The following CRELD1 variants were observed in gnomAD, a reference collection of about 807,000 sequenced individuals.
CRELD1 encodes the protein CRELD disulfide isomerase 1.
A neutral mutation model predicts 58.2 loss-of-function variants in CRELD1; 42 were observed. The ratio of observed to expected loss-of-function variants is 0.72; its 90% CI spans 0.56 to 0.93. The LOEUF is 0.93. CRELD1 is among the 40% of genes least tolerant of loss of function. The probability of loss-of-function intolerance (pLI) is 0.00; values close to 1 mark genes in which losing one functional copy is unlikely to be tolerated. For missense variants in CRELD1, 500 were observed against 540.6 expected (o/e 0.92, Z 0.74); for synonymous variants, 222 against 202.0 (o/e 1.10, Z -0.84).
intron 7 of CRELD1, among the ~76,000 whole-genome samples, chr3:9,941,480 T>TAAAAA (rs2085364600): frequency 6.6e-6 from 1 of 152,132 alleles, no homozygotes; most frequent in Admixed American, 6.6e-5. Flanking sequence ...GAGGCGTTAC[T>TAAAAA]TTGGCCAAGT....
chr3:9,941,927 C>T (rs1438271650), intron 7 of CRELD1, among the ~76,000 whole-genome samples: 1 of 151,778 alleles, frequency 6.6e-6, no homozygotes, highest in Non-Finnish European at 1.5e-5. Context: ...AAAGTAAAGG[C>T]TAAGCTGCTG....
intron 4 of CRELD1, among the ~76,000 whole-genome samples, 160 bp downstream of exon 4, chr3:9,937,832 T>G (rs535731182): frequency 3.3e-5 from 5 of 152,132 alleles, no homozygotes; most frequent in African/African-American, 9.7e-5. Flanking sequence ...GGACTTGCGC[T>G]CCACTTTGAG....
In CRELD1 at chr3:9,943,170, T is replaced by C; in HGVS notation, c.911T>C (p.Leu304Pro). Reference sequence around the variant, plus strand: ...TATCAGCAGGTGGGCTCCAAGTGTCTCGGTGAGTCTCCTGCTGATGGGACA... The same window carrying C: ...TATCAGCAGGTGGGCTCCAAGTGTCCCGGTGAGTCTCCTGCTGATGGGACA... ...PGYQQVGSKC[L>P]DVDECETEVC... The change falls in exon 9 of 11, where the codon CTC becomes CCC. Residue 304 changes from leucine to proline, a missense_variant and splice_region_variant. By Grantham distance (98) the Leu-to-Pro change is moderately conservative. Transcript: ENST00000452070. 1 of 1,612,256 alleles carries C rather than the reference T, an allele frequency of 6.2e-7. No individual in the cohort carries two copies. Among genetic ancestry groups the C allele is most frequent in the Non-Finnish European group, 8.5e-7 (1 of 1,179,484 alleles).
At position 9,940,395 on chromosome 3, in the gene CRELD1, C is replaced by A. The variant is rs537744369; in HGVS notation, c.461-455C>A. On this transcript the variant is annotated intron_variant, in intron 5 of 10. Coordinates refer to ENST00000452070, the MANE Select transcript of CRELD1 (RefSeq NM_001077415.3). ...TGGGCACCATTGAGCACTGAGTGAACGAGACTCCGTCTGCAATCCCGGCAC... is the reference window on the plus strand; with the variant it reads ...TGGGCACCATTGAGCACTGAGTGAAAGAGACTCCGTCTGCAATCCCGGCAC... 2.4e-4 allele frequency among the ~76,000 whole-genome samples: 37 copies of A among 152,238 alleles called. No homozygotes were observed. The South Asian group carries it at 7.7e-3, about 32-fold the overall frequency.
chr3:9,935,792 G>A (rs1394337150), intron 3 of CRELD1: 1 of 152,070 alleles, frequency 6.6e-6, no homozygotes, highest in Non-Finnish European at 1.5e-5. Flanking sequence ...TAGGGGAGGG[G>A]TGGGATGTGG....
intron 5 of CRELD1, among the ~76,000 whole-genome samples, chr3:9,940,475 G>A (rs1397454768): frequency 2.6e-5 from 4 of 152,052 alleles, no homozygotes; most frequent in South Asian, 4.2e-4. Flanking sequence ...AGACCGGCCC[G>A]GCCAACACAG....
chr3:9,939,210 C>A (rs909209212), intron 5 of CRELD1, among the ~76,000 whole-genome samples: 6 of 151,932 alleles, frequency 3.9e-5, no homozygotes, highest in African/African-American at 1.4e-4. Flanking sequence ...TCTAATTGTT[C>A]CACAAGAGGA....
In CRELD1 at chr3:9,934,629, C is replaced by CA; in HGVS notation, c.174+17_174+18insA. On this transcript the variant is annotated intron_variant, in intron 2 of 10. Transcript: ENST00000452070. ...TTTAACAAGGTGGGTGCACCGGCAG[C>CA]CTCGTTAGAGGGGAACACAGCGATT... 6.2e-7 allele frequency: 1 copy of CA among 1,611,530 alleles called. No individual in the cohort carries two copies. Among genetic ancestry groups the CA allele is most frequent in the Non-Finnish European group, 8.5e-7 (1 of 1,177,906 alleles).
Position 9,943,440 on chromosome 3 carries a change from G to A in CRELD1, c.973G>A (p.Glu325Lys), listed in dbSNP as rs755981922. The A allele has an allele frequency of 1.1e-5, 18 of 1,613,908 alleles. No individual in the cohort carries two copies. Among genetic ancestry groups the A allele is most frequent in the Middle Eastern group, 1.6e-4 (1 of 6,084 alleles). The change falls in exon 10 of 11, where the codon GAG becomes AAG. Residue 325 changes from glutamate (E) to lysine (K), a missense_variant. Transcript: ENST00000452070. ...PGENKQCENT[E>K]GGYRCICAEG... ...AGAGAACAAGCAGTGTGAAAACACC[G>A]AGGGCGGTTATCGCTGCATCTGTGC...
At chr3:9,942,186 G>A (rs1305151838) in intron 7 of CRELD1, among the ~76,000 whole-genome samples, 7 of 151,698 alleles carry the variant, frequency 4.6e-5, no homozygotes, top group Middle Eastern at 6.8e-3. Context: ...CAGGAGAGTC[G>A]CTTGAATCCA....
Position 9,934,781 on chromosome 3 carries a change from G to C in CRELD1, c.175-54G>C, listed in dbSNP as rs556120722. On this transcript the variant is annotated intron_variant, in intron 2 of 10. Transcript: ENST00000452070. ...GTTTCCTAGTCAGTAGAACAGTGAA[G>C]TGCTAGCATGTGCCAGGCACTGTAC... 7.7e-6 allele frequency: 12 copies of C among 1,552,002 alleles called. No individual in the cohort carries two copies. The African/African-American group carries it at 1.1e-4, about 14-fold the overall frequency.
intron 3 of CRELD1, among the ~76,000 whole-genome samples, chr3:9,937,166 C>T (rs2124828442): frequency 6.6e-6 from 1 of 152,320 alleles, no homozygotes; most frequent in Middle Eastern, 3.4e-3. Context: ...GTATTCCCAC[C>T]TGCAGTGTGG....
intron 5 of CRELD1, chr3:9,938,373 C>A (rs2085253552): frequency 2.2e-6 from 1 of 461,996 alleles, no homozygotes; most frequent in African/African-American, 2.0e-5. Flanking sequence ...CCCTTCATTT[C>A]CCATGCCAGA....
chr3:9,935,513 C>T (rs771928232), intron 3 of CRELD1, among the ~76,000 whole-genome samples: 12 of 151,792 alleles, frequency 7.9e-5, no homozygotes, highest in African/African-American at 9.7e-5. Context: ...GGGGCAAGGG[C>T]GGAGGAAGCA....
chr3:9,944,357 C>T lies in CRELD1; in HGVS notation c.1049-8C>T, dbSNP rs1250757870. 6.2e-7 allele frequency: 1 copy of T among 1,612,538 alleles called. No homozygotes were observed. Among genetic ancestry groups the T allele is most frequent in the Admixed American group, 1.7e-5 (1 of 60,034 alleles). The stretch of plus-strand genomic sequence containing the variant: ...GAGTGCCAGGCTGCATCTCTTGCTC[C>T]TCTGCAGAGTCAGCAGGCTTCTTCT... On this transcript the variant is annotated splice_polypyrimidine_tract_variant and splice_region_variant and intron_variant, in intron 10 of 10. Transcript: ENST00000452070.
intron 1 of CRELD1, 91 bp from the exon 2 acceptor site, chr3:9,934,329 C>G (rs768644308): frequency 5.8e-6 from 6 of 1,038,934 alleles, no homozygotes; most frequent in Non-Finnish European, 9.0e-6. Context: ...AACGCAGATC[C>G]CAGCGCCACG....
At chr3:9,941,335 A>C (rs1368094174) in intron 7 of CRELD1, 129 bp downstream of exon 7, 23 of 738,964 alleles carry the variant, frequency 3.1e-5, no homozygotes, top group Non-Finnish European at 4.4e-5. Flanking sequence ...CCTGGCTGGG[A>C]AGGCAGAAAA....
At chr3:9,934,647 C>G in intron 2 of CRELD1, 35 bp downstream of exon 2, 1 of 1,607,222 alleles carries the variant, frequency 6.2e-7, no homozygotes, top group South Asian at 1.1e-5. Context: ...GAGGGGAACA[C>G]AGCGATTTAG....
chr3:9,939,516 C>T (rs528961599), intron 5 of CRELD1, among the ~76,000 whole-genome samples: 167 of 151,890 alleles, frequency 1.1e-3, no homozygotes, highest in Admixed American at 1.8e-3. Flanking sequence ...TACTTGAGAT[C>T]AAGGAGTGGT....
Sources: allele counts gnomAD v4.1 joint callset (sites outside exome capture counted in the v4.1 genomes callset), GRCh38; gene constraint gnomAD v4.1.1; transcripts MANE v1.5; gene names NCBI Gene and HGNC (gene_info 2026-07-23, HGNC 2026-07-21).